Variants in VDAC3 observed in about 807,000 individuals in gnomAD.
VDAC3 encodes non-selective voltage-gated ion channel VDAC3.
Under a neutral mutation model 33.9 loss-of-function variants are expected in VDAC3, and 7 were observed. The observed-to-expected ratio is 0.21, with a 90% confidence interval of 0.12 to 0.39. The LOEUF (loss-of-function observed/expected upper bound fraction) is 0.39, where lower values mean the gene tolerates loss of function less well. VDAC3 is among the 10% of genes least tolerant of loss of function. The probability of loss-of-function intolerance (pLI) is 1.00; values close to 1 mark genes in which losing one functional copy is unlikely to be tolerated. For synonymous variants in VDAC3, 100 were observed against 122.4 expected, an observed-to-expected ratio of 0.82 and a Z score of 1.21; for missense variants, 261 against 334.5, an observed-to-expected ratio of 0.78 and a Z score of 1.71.
At chr8:42,395,252 C>G in intron 4 of VDAC3, 119 bp downstream of exon 4, 1 of 1,452,134 alleles carries the variant, frequency 6.9e-7, no homozygotes, top group Admixed American at 2.2e-5. Flanking sequence ...CAGCTTTGTC[C>G]TCTCAGATTT....
At chr8:42,403,716 A>C (rs1310733932) in intron 8 of VDAC3, among the ~76,000 whole-genome samples, 1 of 152,110 alleles carries the variant, frequency 6.6e-6, no homozygotes, top group African/African-American at 2.4e-5. Flanking sequence ...TCTTTACTAA[A>C]AATACAAAAA....
At chr8:42,392,122 G>C (rs1251331181) in intron 1 of VDAC3, among the ~76,000 whole-genome samples, 194 bp downstream of exon 1, 1 of 152,166 alleles carries the variant, frequency 6.6e-6, no homozygotes, top group Non-Finnish European at 1.5e-5. Context: ...GCCGCAGCAC[G>C]GCGGGGCAAG....
chr8:42,394,658 T>C (rs1193450348), intron 3 of VDAC3, among the ~76,000 whole-genome samples: 2 of 152,206 alleles, frequency 1.3e-5, no homozygotes, highest in African/African-American at 2.4e-5. Context: ...TTGACTTCTT[T>C]GGAGTAATGT....
intron 8 of VDAC3, among the ~76,000 whole-genome samples, chr8:42,403,857 G>A (rs1585953927): frequency 6.8e-6 from 1 of 145,996 alleles, no homozygotes; most frequent in Admixed American, 6.9e-5. Flanking sequence ...CAGCCTGGGT[G>A]ACAGAGCGAG....
At chr8:42,400,098 G>T (rs1416561773) in intron 6 of VDAC3, among the ~76,000 whole-genome samples, 1 of 152,136 alleles carries the variant, frequency 6.6e-6, no homozygotes, top group Non-Finnish European at 1.5e-5. Context: ...AGCACTTTGG[G>T]AGGCCGAGAT....
chr8:42,400,483 A>T (rs1235400051), intron 6 of VDAC3, among the ~76,000 whole-genome samples: 1 of 151,678 alleles, frequency 6.6e-6, no homozygotes, highest in Non-Finnish European at 1.5e-5. Context: ...AAATCCCCCA[A>T]CTTCTTGACC....
chr8:42,402,817 CA>C (rs1802437730), intron 7 of VDAC3, among the ~76,000 whole-genome samples: 1 of 152,200 alleles, frequency 6.6e-6, no homozygotes, highest in Non-Finnish European at 1.5e-5. Context: ...TGCTTGGAAG[CA>C]ATAACTAAGG....
rs1490669674 is a variant in VDAC3, at chr8:42,404,921, C to A, written c.757C>A (p.Pro253Thr). The A allele has an allele frequency of 3.7e-6, 6 of 1,613,062 alleles. No homozygotes were observed. The highest frequency in any genetic ancestry group is 5.1e-6 in the Non-Finnish European group (6 of 1,179,584). Reference sequence around the variant, plus strand: ...ACTGGGTTATACTCAGACCCTTCGACCAGGTAAGTAAAGGAATTAGTAACA... The same window carrying A: ...ACTGGGTTATACTCAGACCCTTCGAACAGGTAAGTAAAGGAATTAGTAACA... ...IGLGYTQTLR[P>T]GVKLTLSALI... Residue 253 changes from proline (P) to threonine (T), a missense_variant, in exon 9 of 10, where the codon CCA becomes ACA. Physicochemically the swap from Pro to Thr is conservative, Grantham distance 38. Coordinates refer to ENST00000022615, the MANE Select transcript of VDAC3 (RefSeq NM_005662.7).
At chr8:42,397,196 T>C (rs951409813) in intron 4 of VDAC3, 2 of 152,806 alleles carry the variant, frequency 1.3e-5, no homozygotes, top group Non-Finnish European at 2.9e-5. Context: ...CACTAGATAG[T>C]TGGATCTACT....
intron 6 of VDAC3, among the ~76,000 whole-genome samples, chr8:42,400,673 CTTTTTTTTTTTTTT>C (rs1188886241): frequency 4.3e-4 from 31 of 72,322 alleles, no homozygotes; most frequent in Non-Finnish European, 6.5e-4. Flanking sequence ...ATATTCTTTT[CTTTTTTTTTTTTTT>C]TTTTTTTTTT....
intron 1 of VDAC3, among the ~76,000 whole-genome samples, chr8:42,392,803 A>G (rs953432154): frequency 6.6e-6 from 1 of 152,248 alleles, no homozygotes; most frequent in Admixed American, 6.5e-5. Context: ...TTCTATTTCA[A>G]TATATACTGC....
chr8:42,395,400 T>C (rs938242764), intron 4 of VDAC3, among the ~76,000 whole-genome samples: 3 of 152,402 alleles, frequency 2.0e-5, no homozygotes, highest in Admixed American at 6.5e-5. Context: ...CATATGTTTA[T>C]ACTTTCATGA....
chr8:42,405,536 ATTC>A lies in VDAC3; in HGVS notation c.*79_*81del, dbSNP rs1351654501. On this transcript the variant is annotated 3_prime_UTR_variant, in exon 10 of 10. Coordinates refer to ENST00000022615, the MANE Select transcript of VDAC3 (RefSeq NM_005662.7). Reference sequence around the variant, plus strand: ...GAACCCACTATGTTTTGGCCTTAAAATTCTTCTGTGAAATTTCAAAAGTGTGAA... The same window carrying A: ...GAACCCACTATGTTTTGGCCTTAAAATTCTGTGAAATTTCAAAAGTGTGAA... 6 of 1,287,858 alleles carry A rather than the reference ATTC, an allele frequency of 4.7e-6. No homozygotes were observed. The East Asian group carries it at 1.2e-4, about 25-fold the overall frequency. 79.8% of individuals were successfully genotyped at this position (1,287,858 alleles called of 1,614,324 possible).
intron 4 of VDAC3, 90 bp downstream of exon 4, chr8:42,395,223 C>T: frequency 6.4e-7 from 1 of 1,557,774 alleles, no homozygotes; most frequent in Non-Finnish European, 8.7e-7. Context: ...CTTGAACCAG[C>T]ACCATGCTGT....
intron 7 of VDAC3, among the ~76,000 whole-genome samples, chr8:42,402,368 G>C (rs1802430597): frequency 6.6e-6 from 1 of 152,164 alleles, no homozygotes; most frequent in African/African-American, 2.4e-5. Flanking sequence ...ACAGTATCTG[G>C]AAGCAGGTCT....
At position 42,401,883 on chromosome 8, in the gene VDAC3, G is replaced by C. The variant is rs897717214; in HGVS notation, c.419G>C (p.Gly140Ala). ...GATTTTTCTGGACCAACCATCTATGGCTGGGCTGTGTTGGCCTTCGAAGGG... is the reference window on the plus strand; with the variant it reads ...GATTTTTCTGGACCAACCATCTATGCCTGGGCTGTGTTGGCCTTCGAAGGG... ...DIDFSGPTIY[G>A]WAVLAFEGWL... The change falls in exon 7 of 10, where the codon GGC (glycine) becomes GCC (alanine). Residue 140 changes from glycine (G) to alanine (A), a missense_variant. Physicochemically the swap from Gly to Ala is moderately conservative, Grantham distance 60 (BLOSUM62 0). Transcript: ENST00000022615. 8.7e-6 allele frequency: 14 copies of C among 1,614,108 alleles called. No homozygotes were observed. Among genetic ancestry groups the C allele is most frequent in the Admixed American group, 1.7e-5 (1 of 60,004 alleles).
intron 8 of VDAC3, 23 bp downstream of exon 8, chr8:42,403,484 G>T (rs1802451054): frequency 6.5e-7 from 1 of 1,543,604 alleles, no homozygotes; most frequent in Non-Finnish European, 8.7e-7. Flanking sequence ...TGCCAGATTG[G>T]ATCTGCTCTT....
At chr8:42,398,166 T>A (rs1802350660) in intron 4 of VDAC3, among the ~76,000 whole-genome samples, 1 of 152,224 alleles carries the variant, frequency 6.6e-6, no homozygotes, top group Non-Finnish European at 1.5e-5. Flanking sequence ...TCAGTAAAGA[T>A]ACTTCTTTTT....
At chr8:42,404,398 G>A (rs79839435) in intron 8 of VDAC3, among the ~76,000 whole-genome samples, 116 of 152,240 alleles carry the variant, frequency 7.6e-4, no homozygotes, top group Admixed American at 3.6e-3. Flanking sequence ...CTCAGGGTAC[G>A]TCCTACCCCT....
Sources: allele counts gnomAD v4.1 joint callset (sites outside exome capture counted in the v4.1 genomes callset), GRCh38; gene constraint gnomAD v4.1.1; transcripts MANE v1.5; gene names NCBI Gene and HGNC (gene_info 2026-07-23, HGNC 2026-07-21).